Variants in CXCL11 observed in about 807,000 individuals in gnomAD.
CXCL11 encodes C-X-C motif chemokine ligand 11.
Under a neutral mutation model 9.7 loss-of-function variants are expected in CXCL11, and 7 were observed. The observed-to-expected ratio is 0.72, with a 90% CI of 0.41 to 1.36. The LOEUF (loss-of-function observed/expected upper bound fraction) is 1.36, where lower values mean the gene tolerates loss of function less well. Among genes scored for constraint, CXCL11 ranks in the 40% most tolerant of loss-of-function variants. CXCL11 has a pLI of 0.01. For synonymous variants in CXCL11, 35 were observed against 34.4 expected, an observed-to-expected ratio of 1.02 and a Z score of -0.06; for missense variants, 107 against 113.4, an observed-to-expected ratio of 0.94 and a Z score of 0.26.
intron 1 of CXCL11, 26 bp downstream of exon 1, chr4:76,035,901 G>T (rs750416577): frequency 6.2e-7 from 1 of 1,601,180 alleles, no homozygotes; most frequent in East Asian, 2.2e-5. Flanking sequence ...GAACTTATAG[G>T]TTGAGAAATA....
chr4:76,035,242 A>G lies in CXCL11; in HGVS notation c.162T>C (p.Ser54=). ...DIEKASIMYP[S]NNCDKIEVII... Reference sequence around the variant, plus strand: ...TCACTTCTATTTTGTCACAGTTGTTACTTGGGTACATTATGGAGGCTTTCT... The same window carrying G: ...TCACTTCTATTTTGTCACAGTTGTTGCTTGGGTACATTATGGAGGCTTTCT... The change falls in exon 2 of 4, where the codon AGT becomes AGC. Residue 54 remains serine (S), a synonymous_variant. Coordinates refer to ENST00000306621, the MANE Select transcript of CXCL11 (RefSeq NM_005409.5). The G allele has an allele frequency of 6.2e-7, 1 of 1,614,132 alleles. No individual in the cohort carries two copies. Among genetic ancestry groups the G allele is most frequent in the Non-Finnish European group, 8.5e-7 (1 of 1,179,952 alleles).
At chr4:76,035,154 G>A (rs766720116) in intron 2 of CXCL11, 35 bp from the exon 3 acceptor site, 1 of 1,612,880 alleles carries the variant, frequency 6.2e-7, no homozygotes, top group Non-Finnish European at 8.5e-7. Context: ...TTAAAGTTTA[G>A]ATGCAAATAC....
rs764213946 is a variant in CXCL11 at position 76,034,745 on chromosome 4, T to C, written c.*48A>G. ...TCAGTAGTCACAGTTAAACTTGTTC[T>C]AGGTTTTTCAGATGCTCTTTTCCAG... On this transcript the variant is annotated 3_prime_UTR_variant, in exon 4 of 4. Transcript: ENST00000306621. 12 of 1,368,574 alleles carry C rather than the reference T, an allele frequency of 8.8e-6. 1 individual carries two copies. The Admixed American group carries it at 2.1e-4, about 24-fold the overall frequency. The allele number at this position is 1,368,574 out of a possible 1,614,324, so 84.8% of individuals were successfully genotyped here.
At chr4:76,035,157 G>T in intron 2 of CXCL11, 38 bp from the exon 3 acceptor site, 1 of 1,612,670 alleles carries the variant, frequency 6.2e-7, no homozygotes, top group Non-Finnish European at 8.5e-7. Flanking sequence ...AAGTTTAGAT[G>T]CAAATACATA....
chr4:76,035,254 T>C lies in CXCL11; in HGVS notation c.150A>G (p.Ile50Met). 6.2e-7 allele frequency: 1 copy of C among 1,614,092 alleles called. No homozygotes were observed. The highest frequency in any genetic ancestry group is 8.5e-7 in the Non-Finnish European group (1 of 1,179,944). Residue 50 changes from isoleucine (I) to methionine (M), a missense_variant, in exon 2 of 4, where the codon ATA (isoleucine) becomes ATG (methionine). Transcript: ENST00000306621. ...TGTCACAGTTGTTACTTGGGTACAT[T>C]ATGGAGGCTTTCTCAATATCTGCCA... ...VKVADIEKAS[I>M]MYPSNNCDKI...
At chr4:76,035,811 TA>T in intron 1 of CXCL11, 115 bp downstream of exon 1, 2 of 900,790 alleles carry the variant, frequency 2.2e-6, no homozygotes, top group Non-Finnish European at 3.5e-6. Flanking sequence ...TAGTAACTTC[TA>T]ATCTGTGAGA....
At chr4:76,035,588 T>C (rs1183862822) in intron 1 of CXCL11, among the ~76,000 whole-genome samples, 4 of 152,234 alleles carry the variant, frequency 2.6e-5, no homozygotes, top group African/African-American at 7.2e-5. Flanking sequence ...TGAAGCTTGT[T>C]TTGCCCCCTT....
In CXCL11 at chr4:76,034,767, C is replaced by T. The variant is rs1560585580; in HGVS notation, c.*26G>A. On this transcript the variant is annotated 3_prime_UTR_variant, in exon 4 of 4. Coordinates refer to ENST00000306621, the MANE Select transcript of CXCL11 (RefSeq NM_005409.5). ...TTCTAGGTTTTTCAGATGCTCTTTT[C>T]CAGGACTTCATATGTTTTGATATTT... 2.0e-6 allele frequency: 3 copies of T among 1,492,000 alleles called. No individual in the cohort carries two copies. Among genetic ancestry groups the T allele is most frequent in the Admixed American group, 1.8e-5 (1 of 56,452 alleles). The allele number at this position is 1,492,000 out of a possible 1,614,324, so 92.4% of individuals were successfully genotyped here. A position where few individuals can be genotyped will look rare whatever the true frequency, so the allele number is the denominator to read the frequency against.
intron 1 of CXCL11, 103 bp from the exon 2 acceptor site, chr4:76,035,445 A>G: frequency 8.3e-7 from 1 of 1,201,550 alleles, no homozygotes; most frequent in Non-Finnish European, 1.2e-6. Context: ...TTAAGGGTAA[A>G]GATAGTAATT....
Position 76,034,231 on chromosome 4 carries a change from A to G in CXCL11, c.*562T>C, listed in dbSNP as rs1021789800. 3 of 389,696 alleles carry G rather than the reference A, an allele frequency of 7.7e-6. No homozygotes were observed. Among genetic ancestry groups the G allele is most frequent in the Non-Finnish European group, 1.4e-5 (3 of 220,858 alleles). 24.1% of individuals were successfully genotyped at this position (389,696 alleles called of 1,614,324 possible). A position where few individuals can be genotyped will look rare whatever the true frequency, so the allele number is the denominator to read the frequency against. On this transcript the variant is annotated 3_prime_UTR_variant, in exon 4 of 4. Coordinates refer to ENST00000306621, the MANE Select transcript of CXCL11 (RefSeq NM_005409.5). ...TTTGGGGAAAGAAGTGTGTATTTGC[A>G]TGAAAAAATGTTTGAGGAATGTTTT...
At chr4:76,035,192 A>G in intron 2 of CXCL11, 24 bp downstream of exon 2, 1 of 1,614,040 alleles carries the variant, frequency 6.2e-7, no homozygotes, top group South Asian at 1.1e-5. Flanking sequence ...CACCATTGTC[A>G]TCTTCAGCAA....
In CXCL11 at chr4:76,034,572, G is replaced by A; in HGVS notation, c.*221C>T. On this transcript the variant is annotated 3_prime_UTR_variant, in exon 4 of 4. Transcript: ENST00000306621. Reference sequence around the variant, plus strand: ...TAATTGTTGGACTCCTTTGGGCAGTGGAATTCTGATTGTCATTCATTCAGG... The same window carrying A: ...TAATTGTTGGACTCCTTTGGGCAGTAGAATTCTGATTGTCATTCATTCAGG... The A allele has an allele frequency of 1.7e-6, 1 of 580,114 alleles. No homozygotes were observed. The highest frequency in any genetic ancestry group is 3.0e-6 in the Non-Finnish European group (1 of 334,526). 35.9% of individuals were successfully genotyped at this position (580,114 alleles called of 1,614,324 possible). A position where few individuals can be genotyped will look rare whatever the true frequency, so the allele number is the denominator to read the frequency against.
chr4:76,035,449 A>G, intron 1 of CXCL11, 107 bp from the exon 2 acceptor site: 1 of 1,153,550 alleles, frequency 8.7e-7, no homozygotes, highest in Non-Finnish European at 1.2e-6. Flanking sequence ...GGGTAAAGAT[A>G]GTAATTTGTC....
Position 76,034,270 on chromosome 4 carries a change from G to C in CXCL11, c.*523C>G, listed in dbSNP as rs1734137091. On this transcript the variant is annotated 3_prime_UTR_variant, in exon 4 of 4. Transcript: ENST00000306621. ...GAGGAATGTTTTACGACACATAGAT[G>C]CTTTTGACTTATAAGGGCTTGACTC... The C allele has an allele frequency of 2.5e-6, 1 of 395,954 alleles. No homozygotes were observed. Among genetic ancestry groups the C allele is most frequent in the Non-Finnish European group, 4.4e-6 (1 of 224,926 alleles). 24.5% of individuals were successfully genotyped at this position (395,954 alleles called of 1,614,324 possible).
chr4:76,034,728 C>CA lies in CXCL11; in HGVS notation c.*64dup. ...GTAGAATTCTTGTCATTTCAGTAGT[C>CA]ACAGTTAAACTTGTTCTAGGTTTTT... On this transcript the variant is annotated 3_prime_UTR_variant, in exon 4 of 4. Coordinates refer to ENST00000306621, the MANE Select transcript of CXCL11 (RefSeq NM_005409.5). The CA allele has an allele frequency of 1.7e-6, 2 of 1,183,098 alleles. No homozygotes were observed. Among genetic ancestry groups the CA allele is most frequent in the Non-Finnish European group, 2.5e-6 (2 of 811,652 alleles). 73.3% of individuals were successfully genotyped at this position (1,183,098 alleles called of 1,614,324 possible). A position where few individuals can be genotyped will look rare whatever the true frequency, so the allele number is the denominator to read the frequency against.
Position 76,035,303 on chromosome 4 carries a change from C to G in CXCL11, c.101G>C (p.Gly34Ala), listed in dbSNP as rs141738372. 8.1e-6 allele frequency: 13 copies of G among 1,613,902 alleles called. No homozygotes were observed. In the African/African-American group the frequency reaches 1.3e-4, roughly 17 times the overall value. ...CACTTTCACTGCTTTTACCCCAGGG[C>G]CTATGCAAAGACAGCGTCCTCTTTT... Reference protein sequence around the residue: ...MFKRGRCLCIGPGVKAVKVAD... With the variant: ...MFKRGRCLCIAPGVKAVKVAD... The change falls in exon 2 of 4, where the codon GGC becomes GCC. Residue 34 changes from glycine (G) to alanine (A), a missense_variant. Transcript: ENST00000306621.
rs142431385 is a variant in CXCL11 at position 76,035,071 on chromosome 4, C to T, written c.237G>A (p.Ser79=). The part of the protein sequence containing the change: ...NKGQRCLNPK[S]KQARLIIKKV... Reference sequence around the variant, plus strand: ...CTTTGATTATAAGCCTTGCTTGCTTCGATTTGGGATTTAGGCATCGTTGTC... The same window carrying T: ...CTTTGATTATAAGCCTTGCTTGCTTTGATTTGGGATTTAGGCATCGTTGTC... Residue 79 remains serine (S), a synonymous_variant, in exon 3 of 4, where the codon TCG becomes TCA. Transcript: ENST00000306621. 9.3e-6 allele frequency: 15 copies of T among 1,613,580 alleles called. No individual in the cohort carries two copies. Among genetic ancestry groups the T allele is most frequent in the African/African-American group, 4.0e-5 (3 of 74,884 alleles).
chr4:76,035,480 G>T, intron 1 of CXCL11, 138 bp from the exon 2 acceptor site: 1 of 742,546 alleles, frequency 1.3e-6, no homozygotes, highest in Non-Finnish European at 2.1e-6. Context: ...TAACACAACT[G>T]TTACTGGGAA....
chr4:76,035,231 T>C lies in CXCL11; in HGVS notation c.173A>G (p.Asp58Gly). ...ASIMYPSNNC[D>G]KIEVIITLKE... ...CATTACTTACATCACTTCTATTTTG[T>C]CACAGTTGTTACTTGGGTACATTAT... Residue 58 changes from aspartate to glycine, a missense_variant, in exon 2 of 4, where the codon GAC becomes GGC. Physicochemically the swap from Asp to Gly is moderately conservative, Grantham distance 94. Coordinates refer to ENST00000306621, the MANE Select transcript of CXCL11 (RefSeq NM_005409.5). 6.2e-7 allele frequency: 1 copy of C among 1,614,154 alleles called. No individual in the cohort carries two copies. The highest frequency in any genetic ancestry group is 1.7e-5 in the Admixed American group (1 of 60,036).
Sources: allele counts gnomAD v4.1 joint callset (sites outside exome capture counted in the v4.1 genomes callset), GRCh38; gene constraint gnomAD v4.1.1; transcripts MANE v1.5; gene names NCBI Gene and HGNC (gene_info 2026-07-23, HGNC 2026-07-21).